Variants in PPFIA2 observed in about 807,000 individuals in gnomAD.
The protein encoded by PPFIA2 is PPFI scaffold protein A2.
PPFIA2 carries 46 observed loss-of-function variants against 175.5 expected under a neutral mutation model. The ratio of observed to expected loss-of-function variants is 0.26; its 90% confidence interval spans 0.21 to 0.34. PPFIA2 has a LOEUF of 0.34. PPFIA2 is among the 10% of genes least tolerant of loss of function. The pLI is 1.00. For synonymous variants in PPFIA2, 568 were observed against 511.4 expected, an observed-to-expected ratio of 1.11 and a Z score of -1.49; for missense variants, 1,179 against 1,506.1, an observed-to-expected ratio of 0.78 and a Z score of 3.60.
chr12:81,571,183 CG>C (rs768519691), intron 4 of PPFIA2, among the ~76,000 whole-genome samples: 2 of 151,894 alleles, frequency 1.3e-5, no homozygotes, highest in Non-Finnish European at 2.9e-5. Flanking sequence ...AAATTTCTTG[CG>C]TAAAATGCTT....
In PPFIA2 at chr12:81,626,623, C is replaced by T. The variant is rs1294357415; in HGVS notation, c.303+50168G>A. On this transcript the variant is annotated intron_variant, in intron 4 of 32. Transcript: ENST00000549396. ...TTAATAAAACTGGAATTGTGTGCTG[C>T]ACATTATGTTCTTGGCAGGAAATAA... Among the ~76,000 whole-genome samples the T allele has an allele frequency of 2.6e-5, 4 of 152,014 alleles. No individual in the cohort carries two copies. The East Asian group carries it at 7.7e-4, about 29-fold the overall frequency.
intron 8 of PPFIA2, among the ~76,000 whole-genome samples, chr12:81,396,119 T>C (rs1040663997): frequency 6.6e-6 from 1 of 152,070 alleles, no homozygotes; most frequent in Non-Finnish European, 1.5e-5. Context: ...GTTGATATTA[T>C]AATTAAGCTC....
At chr12:81,519,112 C>T (rs1023911204) in intron 4 of PPFIA2, among the ~76,000 whole-genome samples, 1 of 152,172 alleles carries the variant, frequency 6.6e-6, no homozygotes, top group African/African-American at 2.4e-5. Flanking sequence ...ACTTTTCCTC[C>T]TAAATCTCCT....
At chr12:81,325,902 A>C in intron 21 of PPFIA2, 32 bp from the exon 22 acceptor site, 1 of 1,453,938 alleles carries the variant, frequency 6.9e-7, no homozygotes, top group Non-Finnish European at 9.7e-7. Context: ...TATTCAGATT[A>C]TGTTGCATAG....
intron 7 of PPFIA2, among the ~76,000 whole-genome samples, chr12:81,419,774 GA>G (rs2045931584): frequency 6.6e-6 from 1 of 152,106 alleles, no homozygotes; most frequent in South Asian, 2.1e-4. Context: ...CTTTAAAAAT[GA>G]AGTGGTTTGG....
intron 3 of PPFIA2, among the ~76,000 whole-genome samples, chr12:81,693,272 G>A (rs1462983497): frequency 1.3e-5 from 2 of 152,078 alleles, no homozygotes; most frequent in East Asian, 1.9e-4. Flanking sequence ...AGTGTTGGAG[G>A]TGGGGTCTGG....
chr12:81,374,433 G>A (rs1857975455), intron 11 of PPFIA2, among the ~76,000 whole-genome samples: 2 of 151,864 alleles, frequency 1.3e-5, no homozygotes, highest in Non-Finnish European at 2.9e-5. Flanking sequence ...ATAGGCAGGG[G>A]GATCATCACA....
At chr12:81,338,358 T>G (rs2057456036) in intron 21 of PPFIA2, among the ~76,000 whole-genome samples, 1 of 152,120 alleles carries the variant, frequency 6.6e-6, no homozygotes, top group Non-Finnish European at 1.5e-5. Flanking sequence ...TATATAATCA[T>G]TTCAGAAATA....
chr12:81,628,338 C>T (rs535944899), intron 4 of PPFIA2, among the ~76,000 whole-genome samples: 2 of 148,934 alleles, frequency 1.3e-5, no homozygotes, highest in South Asian at 4.3e-4. Flanking sequence ...GTTTGAGCCA[C>T]ATGATCTCGA....
Position 81,667,334 on chromosome 12 carries a change from C to T in PPFIA2, c.303+9457G>A, listed in dbSNP as rs2153558787. ...GATTTAAATGGCTTCATAGGTTGCACCAATAGGATGCTTTTCCAAATTCCT... is the reference window on the plus strand; with the variant it reads ...GATTTAAATGGCTTCATAGGTTGCATCAATAGGATGCTTTTCCAAATTCCT... On this transcript the variant is annotated intron_variant, in intron 4 of 32. Transcript: ENST00000549396. Among the ~76,000 whole-genome samples, 4 of 152,164 alleles carry T rather than the reference C, an allele frequency of 2.6e-5. 1 individual carries two copies. The highest frequency in any genetic ancestry group is 2.6e-4 in the Admixed American group (4 of 15,262).
chr12:81,713,267 T>TTTGACATATGAGAAAATTG (rs1466459465), intron 3 of PPFIA2, among the ~76,000 whole-genome samples: 1 of 151,056 alleles, frequency 6.6e-6, no homozygotes, highest in Non-Finnish European at 1.5e-5. Context: ...TGTATTCCTC[T>TTTGACATATGAGAAAATTG]TTGACATATG....
At chr12:81,462,592 A>G (rs910440350) in intron 4 of PPFIA2, among the ~76,000 whole-genome samples, 38 of 142,580 alleles carry the variant, frequency 2.7e-4, no homozygotes, top group Admixed American at 7.2e-5. Flanking sequence ...ATACATATAT[A>G]TATATATATA....
intron 4 of PPFIA2, among the ~76,000 whole-genome samples, chr12:81,566,901 C>A (rs1009562307): frequency 6.6e-6 from 1 of 152,144 alleles, no homozygotes; most frequent in Non-Finnish European, 1.5e-5. Flanking sequence ...ACTGTACATA[C>A]GTGTGTACTG....
intron 4 of PPFIA2, among the ~76,000 whole-genome samples, chr12:81,542,223 A>G (rs1198345648): frequency 1.3e-5 from 2 of 152,072 alleles, no homozygotes; most frequent in Non-Finnish European, 2.9e-5. Context: ...CAATGAGACC[A>G]TGCAAGCTGA....
chr12:81,346,297 T>G (rs1386600421), intron 18 of PPFIA2, among the ~76,000 whole-genome samples: 2 of 151,904 alleles, frequency 1.3e-5, no homozygotes, highest in Non-Finnish European at 2.9e-5. Flanking sequence ...AAAATCCAGC[T>G]CCATTTATTA....
At chr12:81,526,031 C>G (rs560751664) in intron 4 of PPFIA2, among the ~76,000 whole-genome samples, 41 of 152,206 alleles carry the variant, frequency 2.7e-4, no homozygotes, top group African/African-American at 9.1e-4. Flanking sequence ...GGTCTCAGGT[C>G]TCAATAGCAG....
At chr12:81,552,215 A>G (rs1389962618) in intron 4 of PPFIA2, among the ~76,000 whole-genome samples, 1 of 151,890 alleles carries the variant, frequency 6.6e-6, no homozygotes, top group Non-Finnish European at 1.5e-5. Flanking sequence ...AGAACCTCAG[A>G]AATTATGGAT....
In PPFIA2 at chr12:81,374,768, T is replaced by C; in HGVS notation, c.1132A>G (p.Met378Val). ...LANKEAILRQ[M>V]EEKNRQLQER... ...TGTAACTGTCTGTTTTTCTCTTCCA[T>C]CTGAAATGGGAATGGGAGCAGAGAC... is the stretch of plus-strand genomic sequence containing the variant. The change falls in exon 11 of 33, where the codon ATG (methionine) becomes GTG (valine). Residue 378 changes from methionine (M) to valine (V), a missense_variant and splice_region_variant. By Grantham distance (21) the Met-to-Val change is conservative. Coordinates refer to ENST00000549396, the MANE Select transcript of PPFIA2 (RefSeq NM_003625.5). The C allele has an allele frequency of 6.2e-7, 1 of 1,611,472 alleles. No individual in the cohort carries two copies. Among genetic ancestry groups the C allele is most frequent in the Non-Finnish European group, 8.5e-7 (1 of 1,178,550 alleles).
At chr12:81,728,612 G>A (rs1313439666) in intron 3 of PPFIA2, among the ~76,000 whole-genome samples, 2 of 151,178 alleles carry the variant, frequency 1.3e-5, no homozygotes, top group Admixed American at 1.3e-4. Flanking sequence ...GATTTTCCTT[G>A]TATTTCCTAT....
Sources: gnomAD v4.1 joint callset for allele counts (sites outside exome capture counted in the v4.1 genomes callset) on GRCh38, gnomAD v4.1.1 for gene constraint, MANE v1.5 for transcripts, NCBI Gene and HGNC (gene_info 2026-07-23, HGNC 2026-07-21) for gene names.